The following ATG10 variants were observed in gnomAD, a reference collection of about 807,000 sequenced individuals.
The protein encoded by ATG10 is ubiquitin-like-conjugating enzyme ATG10.
A neutral mutation model predicts 32.1 loss-of-function variants in ATG10; 30 were observed. That is an observed-to-expected ratio of 0.94 (90% confidence interval 0.70 to 1.27). The LOEUF is 1.27. ATG10 is among the 50% of genes most tolerant of loss of function. The pLI, the probability that ATG10 is intolerant of heterozygous loss-of-function variation, is 0.00. For synonymous variants in ATG10, 87 were observed against 91.5 expected (o/e 0.95, Z 0.28); for missense variants, 233 against 262.3 (o/e 0.89, Z 0.77).
chr5:82,206,929 A>G, intron 5 of ATG10, among the ~76,000 whole-genome samples: 1 of 152,282 alleles, frequency 6.6e-6, no homozygotes, highest in African/African-American at 2.4e-5. Context: ...CTTAAACCCA[A>G]TTTGTGTTTG....
At chr5:82,158,078 C>T (rs982405291) in intron 3 of ATG10, among the ~76,000 whole-genome samples, 1 of 152,132 alleles carries the variant, frequency 6.6e-6, no homozygotes, top group Admixed American at 6.6e-5. Flanking sequence ...TGTGAAGTGT[C>T]TTCAGCATGA....
intron 2 of ATG10, among the ~76,000 whole-genome samples, chr5:82,026,857 G>GA (rs1226890362): frequency 2.6e-5 from 4 of 151,612 alleles, no homozygotes; most frequent in Non-Finnish European, 4.4e-5. Context: ...TCAGGAGTTC[G>GA]AGACCACCCT....
intron 1 of ATG10, among the ~76,000 whole-genome samples, chr5:81,982,426 A>G (rs1761076285): frequency 6.6e-6 from 1 of 152,184 alleles, no homozygotes; most frequent in African/African-American, 2.4e-5. Flanking sequence ...ATATCATGCC[A>G]CTGCCTGGGC....
intron 2 of ATG10, among the ~76,000 whole-genome samples, chr5:82,056,125 TATTG>T (rs1336853005): frequency 6.6e-6 from 1 of 152,208 alleles, no homozygotes; most frequent in African/African-American, 2.4e-5. Context: ...TATAATCAAC[TATTG>T]ATTATCTATC....
intron 3 of ATG10, chr5:82,073,409 A>G (rs1764185347): frequency 6.6e-6 from 1 of 152,192 alleles, no homozygotes. Flanking sequence ...GGAAGGTAAC[A>G]TATGGGTCTG....
intron 3 of ATG10, among the ~76,000 whole-genome samples, chr5:82,108,896 G>C (rs1004977360): frequency 1.3e-5 from 2 of 151,928 alleles, no homozygotes; most frequent in African/African-American, 4.8e-5. Flanking sequence ...ACAGGCATAG[G>C]GGGGAAGATA....
intron 3 of ATG10, among the ~76,000 whole-genome samples, chr5:82,153,157 TG>T (rs1289151492): frequency 2.0e-5 from 3 of 152,230 alleles, no homozygotes; most frequent in African/African-American, 7.2e-5. Flanking sequence ...GTTTATGCAA[TG>T]TTTTTTTCTC....
intron 4 of ATG10, among the ~76,000 whole-genome samples, chr5:82,164,994 C>T (rs185041821): frequency 8.5e-5 from 13 of 152,310 alleles, no homozygotes; most frequent in Non-Finnish European, 1.8e-4. Context: ...TTAAAAATAG[C>T]ACTAACATTT....
chr5:81,987,081 CAAA>C (rs969181140), intron 1 of ATG10, among the ~76,000 whole-genome samples: 2 of 151,710 alleles, frequency 1.3e-5, no homozygotes, highest in Non-Finnish European at 1.5e-5. Context: ...ATAAAAACAA[CAAA>C]AAAATGGGGA....
At chr5:82,002,114 C>T (rs962158280) in intron 2 of ATG10, among the ~76,000 whole-genome samples, 1 of 152,078 alleles carries the variant, frequency 6.6e-6, no homozygotes, top group Non-Finnish European at 1.5e-5. Context: ...GTCAGAATGG[C>T]TATTATTAAA....
At chr5:82,228,766 G>T (rs1746235627) in intron 5 of ATG10, among the ~76,000 whole-genome samples, 2 of 152,168 alleles carry the variant, frequency 1.3e-5, no homozygotes. Context: ...GGGGTATATA[G>T]ATAGATGTTT....
At chr5:81,976,142 A>T (rs1760867579) in intron 1 of ATG10, 1 of 150,802 alleles carries the variant, frequency 6.6e-6, no homozygotes, top group Non-Finnish European at 1.5e-5. Flanking sequence ...CTGGGAGTAC[A>T]GGCGCCCGCC....
intron 3 of ATG10, among the ~76,000 whole-genome samples, chr5:82,090,025 A>G (rs1329051105): frequency 1.3e-5 from 2 of 151,838 alleles, no homozygotes; most frequent in African/African-American, 4.8e-5. Flanking sequence ...AAATTAAAAC[A>G]ACAATGAGAT....
chr5:82,125,501 GT>G (rs1445966579), intron 3 of ATG10, among the ~76,000 whole-genome samples: 14 of 152,290 alleles, frequency 9.2e-5, no homozygotes, highest in Non-Finnish European at 1.5e-4. Flanking sequence ...TGGCTAGCCA[GT>G]TTTCCCAACA....
chr5:82,027,260 A>G (rs1418030360), intron 2 of ATG10, among the ~76,000 whole-genome samples: 3 of 151,920 alleles, frequency 2.0e-5, no homozygotes, highest in Admixed American at 1.3e-4. Context: ...TTACCTGAGC[A>G]TGGTGGTGCA....
intron 3 of ATG10, among the ~76,000 whole-genome samples, chr5:82,100,413 C>T (rs866254056): frequency 4.1e-4 from 62 of 152,224 alleles, no homozygotes; most frequent in Middle Eastern, 6.8e-3. Flanking sequence ...TTCACTGTGT[C>T]AGCTCATACT....
chr5:82,113,682 G>T (rs549431470), intron 3 of ATG10, among the ~76,000 whole-genome samples: 31 of 151,756 alleles, frequency 2.0e-4, no homozygotes, highest in Admixed American at 1.6e-3. Context: ...AAATTAATTG[G>T]TTTTTTTGCT....
chr5:82,187,777 G>A (rs572704530), intron 5 of ATG10, among the ~76,000 whole-genome samples: 87 of 151,776 alleles, frequency 5.7e-4, no homozygotes, highest in African/African-American at 1.9e-3. Flanking sequence ...TAGTAGAGAC[G>A]GGGTTTCACC....
At chr5:82,242,044 C>A (rs1361067786) in intron 5 of ATG10, among the ~76,000 whole-genome samples, 2 of 152,010 alleles carry the variant, frequency 1.3e-5, no homozygotes, top group Non-Finnish European at 2.9e-5. Flanking sequence ...CATAACGAGC[C>A]ATTATGAATG....
Sources: allele counts gnomAD v4.1 joint callset (sites outside exome capture counted in the v4.1 genomes callset), GRCh38; gene constraint gnomAD v4.1.1; transcripts MANE v1.5; gene names NCBI Gene and HGNC (gene_info 2026-07-23, HGNC 2026-07-21).